HYDIN: variants seen among roughly 807,000 people sequenced by gnomAD.
HYDIN encodes the protein HYDIN axonemal central pair apparatus protein, also known as axonemal central pair apparatus protein HYDIN.
Under a neutral mutation model 403.9 loss-of-function variants are expected in HYDIN, and 132 were observed. The ratio of observed to expected loss-of-function variants is 0.33; its 90% CI spans 0.28 to 0.38. The LOEUF (loss-of-function observed/expected upper bound fraction) is 0.38. Among genes scored for constraint, HYDIN ranks in the 10% least tolerant of loss-of-function variants. HYDIN has a pLI of 1.00. For synonymous variants in HYDIN, 1,202 were observed against 1,891.7 expected, an observed-to-expected ratio of 0.64 and a Z score of 9.46; for missense variants, 2,827 against 5,009.5, an observed-to-expected ratio of 0.56 and a Z score of 13.15.
intron 75 of HYDIN, among the ~76,000 whole-genome samples, chr16:70,848,391 C>T (rs2038369949): frequency 6.6e-6 from 1 of 151,870 alleles, no homozygotes; most frequent in Non-Finnish European, 1.5e-5. Context: ...GTTCTTGTAT[C>T]TTTTCATGGC....
chr16:70,923,680 G>A (rs952136052), intron 45 of HYDIN, among the ~76,000 whole-genome samples: 8 of 148,706 alleles, frequency 5.4e-5, no homozygotes, highest in African/African-American at 2.0e-4. Flanking sequence ...AATTAGCTGG[G>A]TGTGGTGGCA....
At chr16:70,950,919 G>C (rs1360852024) in intron 41 of HYDIN, among the ~76,000 whole-genome samples, 1 of 152,104 alleles carries the variant, frequency 6.6e-6, no homozygotes, top group East Asian at 1.9e-4. Context: ...TCCTGAATGG[G>C]AGCCGCCAGG....
At chr16:70,851,203 CAAAAAAAAAAAA>C (rs4028101) in intron 73 of HYDIN, among the ~76,000 whole-genome samples, 2 of 22,176 alleles carry the variant, frequency 9.0e-5, no homozygotes, top group East Asian at 1.3e-3. Flanking sequence ...ATCAATCCTG[CAAAAAAAAAAAA>C]AAAAAAAAAA....
At position 71,093,809 on chromosome 16, in the gene HYDIN, G is replaced by A; in HGVS notation, c.1446+8C>T. 6.2e-7 allele frequency: 1 copy of A among 1,612,506 alleles called. No individual in the cohort carries two copies. The highest frequency in any genetic ancestry group is 8.5e-7 in the Non-Finnish European group (1 of 1,179,122). ...TTTGAAGTATCAACGAACAACTCTA[G>A]TGCTTACCTCATAACAATGTGCAGA... On this transcript the variant is annotated splice_region_variant and intron_variant, in intron 11 of 85. Transcript: ENST00000393567.
intron 18 of HYDIN, among the ~76,000 whole-genome samples, chr16:71,059,184 A>G (rs1459465522): frequency 6.6e-6 from 1 of 152,110 alleles, no homozygotes; most frequent in Non-Finnish European, 1.5e-5. Context: ...TTTTTGTTGT[A>G]GTTTCTTTTA....
rs753068082 is a variant in HYDIN, at chr16:71,020,326, A to G, written c.3187-9T>C. On this transcript the variant is annotated splice_polypyrimidine_tract_variant and intron_variant, in intron 21 of 85. Coordinates refer to ENST00000393567, the MANE Select transcript of HYDIN (RefSeq NM_001270974.2). ...AGGATACTGTTAGGTTTCTGCAAAA[A>G]CAGAAAAAGAGGAAACAAATCAACT... 6.2e-7 allele frequency: 1 copy of G among 1,611,326 alleles called. No homozygotes were observed. The highest frequency in any genetic ancestry group is 8.5e-7 in the Non-Finnish European group (1 of 1,179,168).
At chr16:71,107,934 T>A (rs1204797833) in intron 10 of HYDIN, among the ~76,000 whole-genome samples, 2 of 152,142 alleles carry the variant, frequency 1.3e-5, no homozygotes, top group Non-Finnish European at 2.9e-5. Context: ...CCATCAATGG[T>A]AGACTGGATA....
chr16:70,943,704 G>T (rs562395505), intron 42 of HYDIN, 108 bp downstream of exon 42: 20 of 1,428,912 alleles, frequency 1.4e-5, no homozygotes, highest in African/African-American at 4.2e-5. Flanking sequence ...TGCCTTCCGG[G>T]CTGCCGAGCT....
Position 70,834,943 on chromosome 16 carries a change from C to CGTGT in HYDIN, c.13401+732_13401+733insACAC, listed in dbSNP as rs1567677643. Among the ~76,000 whole-genome samples the CGTGT allele has an allele frequency of 1.1e-3, 152 of 144,246 alleles. 2 individuals carry two copies. The highest frequency in any genetic ancestry group is 7.4e-3 in the Middle Eastern group (2 of 272). 94.6% of individuals were successfully genotyped at this position (144,246 alleles called of 152,430 possible). A position where few individuals can be genotyped will look rare whatever the true frequency, so the allele number is the denominator to read the frequency against. On this transcript the variant is annotated intron_variant, in intron 78 of 85. Coordinates refer to ENST00000393567, the MANE Select transcript of HYDIN (RefSeq NM_001270974.2). The stretch of plus-strand genomic sequence containing the variant: ...ACACACATATATGTATATATACACA[C>CGTGT]ATATATGTATATATATACACACATA...
intron 23 of HYDIN, among the ~76,000 whole-genome samples, chr16:71,013,306 AAAG>A (rs1427347197): frequency 6.6e-6 from 1 of 151,900 alleles, no homozygotes; most frequent in East Asian, 1.9e-4. Context: ...AGCTTCCAGC[AAAG>A]AAGGGGGCAG....
At chr16:71,182,184 C>G (rs1330508482) in intron 3 of HYDIN, among the ~76,000 whole-genome samples, 1 of 152,004 alleles carries the variant, frequency 6.6e-6, no homozygotes, top group African/African-American at 2.4e-5. Context: ...GTGAGGAAGG[C>G]AGGACTAGAT....
chr16:71,070,045 A>G (rs1442740677), intron 13 of HYDIN, among the ~76,000 whole-genome samples: 2 of 152,176 alleles, frequency 1.3e-5, no homozygotes, highest in African/African-American at 2.4e-5. Context: ...CTGATGACAC[A>G]GTATCAAAAA....
At chr16:70,840,604 C>G (rs2037750775) in intron 75 of HYDIN, among the ~76,000 whole-genome samples, 1 of 152,182 alleles carries the variant, frequency 6.6e-6, no homozygotes, top group African/African-American at 2.4e-5. Context: ...CTTTGAAGCT[C>G]AGGATGGCCA....
chr16:70,977,843 G>C (rs1375655439), intron 30 of HYDIN, among the ~76,000 whole-genome samples: 1 of 151,626 alleles, frequency 6.6e-6, no homozygotes, highest in African/African-American at 2.4e-5. Flanking sequence ...GACTTTTCCA[G>C]AATCTTTTGG....
At chr16:71,125,134 C>T (rs370663222) in intron 9 of HYDIN, among the ~76,000 whole-genome samples, 3 of 151,934 alleles carry the variant, frequency 2.0e-5, no homozygotes, top group African/African-American at 7.2e-5. Flanking sequence ...CCTCTCTCTG[C>T]AGAGCCTTTA....
chr16:70,859,535 T>G (rs1409244790), intron 71 of HYDIN, among the ~76,000 whole-genome samples: 1 of 152,108 alleles, frequency 6.6e-6, no homozygotes, highest in African/African-American at 2.4e-5. Context: ...TTTATTTCTG[T>G]CTTCAAGATT....
At chr16:70,810,270 C>T (rs977759899) in intron 84 of HYDIN, among the ~76,000 whole-genome samples, 1 of 152,152 alleles carries the variant, frequency 6.6e-6, no homozygotes, top group African/African-American at 2.4e-5. Flanking sequence ...GAGAAGCGCA[C>T]ATAGGGAGAT....
chr16:70,842,664 T>C (rs890038876), intron 75 of HYDIN, among the ~76,000 whole-genome samples: 1 of 151,898 alleles, frequency 6.6e-6, no homozygotes, highest in Non-Finnish European at 1.5e-5. Context: ...TCATGATTTT[T>C]CCCATTATTC....
chr16:70,955,432 G>A lies in HYDIN; in HGVS notation c.6259C>T (p.Arg2087Cys), dbSNP rs1774541. 31 of 1,614,058 alleles carry A rather than the reference G, an allele frequency of 1.9e-5. No homozygotes were observed. The East Asian group carries it at 4.2e-4, about 22-fold the overall frequency. ...NSNNIPGIRA[R>C]ELCIRAAIEQ... ...ATGGCAGCCCTGATGCAGAGCTCAC[G>A]GGCCCGGATCCCTGGGATGTTGTTG... is the stretch of plus-strand genomic sequence containing the variant. The change falls in exon 40 of 86, where the codon CGT becomes TGT. Residue 2087 changes from arginine (R) to cysteine (C), a missense_variant. Coordinates refer to ENST00000393567, the MANE Select transcript of HYDIN (RefSeq NM_001270974.2).
Sources: gnomAD v4.1 joint callset for allele counts (sites outside exome capture counted in the v4.1 genomes callset) on GRCh38, gnomAD v4.1.1 for gene constraint, MANE v1.5 for transcripts, NCBI Gene and HGNC (gene_info 2026-07-23, HGNC 2026-07-21) for gene names.